OTUD7A: variants seen among roughly 807,000 people sequenced by gnomAD.
OTUD7A encodes OTU domain-containing protein 7A.
In OTUD7A, 12 loss-of-function variants were observed where a neutral mutation model predicts 65.7. That is an observed-to-expected ratio of 0.18 (90% CI 0.12 to 0.30). The LOEUF is 0.30. OTUD7A is among the 10% of genes least tolerant of loss of function. The pLI, the probability that OTUD7A is intolerant of heterozygous loss-of-function variation, is 1.00. For missense variants in OTUD7A, 1,148 were observed against 1,304.8 expected (o/e 0.88, Z 1.85); for synonymous variants, 641 against 586.3 (o/e 1.09, Z -1.35).
rs1193234810 is a variant in OTUD7A, at chr15:31,505,195, A to G, written c.894-1377T>C. Among the ~76,000 whole-genome samples the G allele has an allele frequency of 8.5e-5, 13 of 152,116 alleles. 1 individual carries two copies. Among genetic ancestry groups the G allele is most frequent in the Admixed American group, 8.5e-4 (13 of 15,258 alleles). ...GGTGGAATGGGATTTTACATTTTGT[A>G]TTTGTTTTGATTGGTTAGTAACTTT... is the stretch of plus-strand genomic sequence containing the variant. On this transcript the variant is annotated intron_variant, in intron 8 of 12. Transcript: ENST00000307050.
chr15:31,821,530 T>C (rs1231679780), intron 1 of OTUD7A, among the ~76,000 whole-genome samples: 1 of 152,100 alleles, frequency 6.6e-6, no homozygotes, highest in Non-Finnish European at 1.5e-5. Context: ...CATTCATCAG[T>C]TGATGGGCCT....
At chr15:31,615,359 A>G (rs1050125545) in intron 3 of OTUD7A, among the ~76,000 whole-genome samples, 22 of 152,228 alleles carry the variant, frequency 1.4e-4, no homozygotes, top group African/African-American at 5.3e-4. Context: ...GTTAATGAAA[A>G]TAAAACTTTA....
At chr15:31,553,188 G>A (rs1479435794) in intron 5 of OTUD7A, among the ~76,000 whole-genome samples, 1 of 152,096 alleles carries the variant, frequency 6.6e-6, no homozygotes, top group Non-Finnish European at 1.5e-5. Context: ...CACCCTGGGC[G>A]TCAGGGTCAC....
At chr15:31,670,809 G>T (rs1224433548) in intron 1 of OTUD7A, among the ~76,000 whole-genome samples, 1 of 152,092 alleles carries the variant, frequency 6.6e-6, no homozygotes, top group Non-Finnish European at 1.5e-5. Flanking sequence ...GGCTAACAAG[G>T]TGAAACCCCG....
In OTUD7A at chr15:31,797,637, T is replaced by C. The variant is rs144248772; in HGVS notation, c.-100+72870A>G. ...CCTCAGGTGACACCTGCAAATCGCA[T>C]GCTTTGTACTCCAAAGGGAGTCGCC... On this transcript the variant is annotated intron_variant, in intron 1 of 12. Coordinates refer to ENST00000307050, the MANE Select transcript of OTUD7A (RefSeq NM_001382637.1). Among the ~76,000 whole-genome samples the C allele has an allele frequency of 8.9e-4, 136 of 152,318 alleles. 1 individual carries two copies. Among genetic ancestry groups the C allele is most frequent in the African/African-American group, 3.0e-3 (125 of 41,576 alleles).
At chr15:31,773,875 G>A (rs1895301734) in intron 1 of OTUD7A, among the ~76,000 whole-genome samples, 1 of 152,168 alleles carries the variant, frequency 6.6e-6, no homozygotes, top group African/African-American at 2.4e-5. Context: ...GGGAGGCTGG[G>A]AGAGGCAATT....
At position 31,709,072 on chromosome 15, in the gene OTUD7A, A is replaced by T. The variant is rs534666828; in HGVS notation, c.-99-51995T>A. On this transcript the variant is annotated intron_variant, in intron 1 of 12. Coordinates refer to ENST00000307050, the MANE Select transcript of OTUD7A (RefSeq NM_001382637.1). ...ATACAAGGTAATGCAAAAGACCTGCAGGACAGAGAGGGAGAGAAAACACAG... is the reference window on the plus strand; with the variant it reads ...ATACAAGGTAATGCAAAAGACCTGCTGGACAGAGAGGGAGAGAAAACACAG... 9.0e-4 allele frequency among the ~76,000 whole-genome samples: 136 copies of T among 151,688 alleles called. 2 individuals carry two copies. Among genetic ancestry groups the T allele is most frequent in the African/African-American group, 3.2e-3 (132 of 40,948 alleles).
chr15:31,821,521 A>T (rs1896683240), intron 1 of OTUD7A, among the ~76,000 whole-genome samples: 1 of 152,044 alleles, frequency 6.6e-6, no homozygotes, highest in African/African-American at 2.4e-5. Flanking sequence ...TTATTTAACC[A>T]TTCATCAGTT....
chr15:31,623,624 T>G (rs1309145956), intron 3 of OTUD7A, among the ~76,000 whole-genome samples: 1 of 152,184 alleles, frequency 6.6e-6, no homozygotes, highest in African/African-American at 2.4e-5. Context: ...AAGCGCAGTA[T>G]TAGGGTGGGA....
chr15:31,521,274 A>T (rs1017302979), intron 8 of OTUD7A, among the ~76,000 whole-genome samples: 1 of 152,218 alleles, frequency 6.6e-6, no homozygotes, highest in African/African-American at 2.4e-5. Flanking sequence ...TATTTAAATA[A>T]ATAATAAAAT....
At position 31,484,215 on chromosome 15, in the gene OTUD7A, C is replaced by T. The variant is rs371889770; in HGVS notation, c.1881G>A (p.Leu627=). ...DAWKYSTDVK[L]SLNILRAAMQ... is the part of the protein sequence containing the mutation. ...TGGCGGCGCGCAGGATGTTGAGGCT[C>T]AGCTTCACATCCGTGCTGTACTTCC... Residue 627 remains leucine (L), a synonymous_variant, in exon 13 of 13, where the codon CTG becomes CTA. Coordinates refer to ENST00000307050, the MANE Select transcript of OTUD7A (RefSeq NM_001382637.1). The surrounding 1 kb of genome is among the most constrained non-coding windows in gnomAD (Gnocchi z 4.5). 13 of 1,608,016 alleles carry T rather than the reference C, an allele frequency of 8.1e-6. No homozygotes were observed. Among genetic ancestry groups the T allele is most frequent in the Non-Finnish European group, 9.3e-6 (11 of 1,178,702 alleles).
intron 1 of OTUD7A, among the ~76,000 whole-genome samples, chr15:31,670,208 G>C (rs977661021): frequency 3.3e-5 from 5 of 151,328 alleles, no homozygotes; most frequent in Admixed American, 3.3e-4. Context: ...TTGATTCCAT[G>C]TCTTTGCTAT....
chr15:31,566,178 G>C (rs1208550889), intron 4 of OTUD7A, among the ~76,000 whole-genome samples: 1 of 146,696 alleles, frequency 6.8e-6, no homozygotes, highest in Non-Finnish European at 1.5e-5. Context: ...GCGACAGAGT[G>C]AGACTCCATC....
intron 1 of OTUD7A, among the ~76,000 whole-genome samples, chr15:31,762,353 T>A (rs775422607): frequency 6.6e-6 from 1 of 152,202 alleles, no homozygotes. Context: ...CCTCCCACCA[T>A]TTAACCTCCA....
chr15:31,820,351 C>T (rs1046224293), intron 1 of OTUD7A, among the ~76,000 whole-genome samples: 2 of 152,278 alleles, frequency 1.3e-5, no homozygotes, highest in Middle Eastern at 3.4e-3. Flanking sequence ...AGTTAAATCC[C>T]GTTTTATCCT....
chr15:31,631,530 T>C (rs369096694), intron 3 of OTUD7A, among the ~76,000 whole-genome samples: 5 of 152,320 alleles, frequency 3.3e-5, no homozygotes, highest in South Asian at 2.1e-4. Flanking sequence ...CATTTTTTCC[T>C]GCATTTCAAC....
At chr15:31,617,189 T>A (rs1229441014) in intron 3 of OTUD7A, among the ~76,000 whole-genome samples, 2 of 152,054 alleles carry the variant, frequency 1.3e-5, no homozygotes, top group Non-Finnish European at 2.9e-5. Context: ...TGGAAAGACT[T>A]AGAATAATCG....
rs1296582450 is a variant in OTUD7A, at chr15:31,477,492, A to C, written c.*5802T>G. The C allele has an allele frequency of 6.6e-6, 1 of 152,144 alleles. No individual in the cohort carries two copies. The highest frequency in any genetic ancestry group is 1.9e-4 in the East Asian group (1 of 5,190). The allele number at this position is 152,144 out of a possible 1,614,324, so 9.4% of individuals were successfully genotyped here. ...GGGGCTAGCGGCAGGGCAGGCATTC[A>C]CTTGTCTGTGAACAGAAGCCACCGC... On this transcript the variant is annotated 3_prime_UTR_variant, in exon 13 of 13. Coordinates refer to ENST00000307050, the MANE Select transcript of OTUD7A (RefSeq NM_001382637.1).
intron 1 of OTUD7A, among the ~76,000 whole-genome samples, chr15:31,786,362 C>T (rs1025265316): frequency 3.3e-5 from 5 of 152,176 alleles, no homozygotes; most frequent in African/African-American, 9.7e-5. Flanking sequence ...CTCTATCCTC[C>T]GACAAGTCTT....
Sources: allele counts gnomAD v4.1 joint callset (sites outside exome capture counted in the v4.1 genomes callset), GRCh38; gene constraint gnomAD v4.1.1; non-coding constraint Gnocchi (gnomAD v3.1); transcripts MANE v1.5; gene names NCBI Gene and HGNC (gene_info 2026-07-23, HGNC 2026-07-21).